OPHN1: variants seen among roughly 807,000 people sequenced by gnomAD.
OPHN1 encodes the protein oligophrenin-1.
In OPHN1, 11 loss-of-function variants were observed where a neutral mutation model predicts 60.7. The observed-to-expected ratio is 0.18, with a 90% CI of 0.11 to 0.30. OPHN1 has a LOEUF of 0.30. Ranked by LOEUF, OPHN1 falls within the 10% of genes least tolerant of loss-of-function variation. The pLI, the probability that OPHN1 is intolerant of heterozygous loss-of-function variation, is 1.00. For missense variants in OPHN1, 449 were observed against 611.0 expected (o/e 0.73, Z 2.80); for synonymous variants, 226 against 222.6 (o/e 1.02, Z -0.14).
chrX:68,387,200 T>TCTCTC (rs2078628812), intron 2 of OPHN1, among the ~76,000 whole-genome samples: 1 of 100,121 alleles, frequency 1.0e-5, no homozygotes, highest in South Asian at 5.0e-4. Flanking sequence ...TTCTTTCTGT[T>TCTCTC]TCTCTCTCTC....
intron 2 of OPHN1, among the ~76,000 whole-genome samples, chrX:68,367,738 T>C (rs774092658): frequency 2.7e-5 from 3 of 111,570 alleles, no homozygotes; most frequent in East Asian, 2.8e-4. Flanking sequence ...ATGGGGGCAG[T>C]TTCCCCCCTG....
intron 5 of OPHN1, among the ~76,000 whole-genome samples, chrX:68,242,189 C>A (rs1423099358): frequency 1.1e-5 from 1 of 91,923 alleles, no homozygotes; most frequent in Non-Finnish European, 2.1e-5. Flanking sequence ...AGTTTGAGAC[C>A]AGCATGGTGA....
At chrX:68,349,528 T>C (rs1038262692) in intron 2 of OPHN1, among the ~76,000 whole-genome samples, 7 of 111,726 alleles carry the variant, frequency 6.3e-5, no homozygotes, top group Admixed American at 1.9e-4. Flanking sequence ...GAACTAGAAA[T>C]ACCATTTGAC....
At chrX:68,183,747 C>A (rs1411228944) in intron 15 of OPHN1, among the ~76,000 whole-genome samples, 2 of 112,472 alleles carry the variant, frequency 1.8e-5, no homozygotes, top group Non-Finnish European at 3.8e-5. Context: ...TTGAGAATTA[C>A]TCATTTCCTG....
chrX:68,287,338 A>T (rs1276700109), intron 3 of OPHN1, among the ~76,000 whole-genome samples: 2 of 79,452 alleles, frequency 2.5e-5, no homozygotes, highest in African/African-American at 7.5e-5. Context: ...AAAAGAAATT[A>T]AAAAAAAAAA....
intron 2 of OPHN1, among the ~76,000 whole-genome samples, chrX:68,430,001 C>G (rs1465887549): frequency 9.2e-6 from 1 of 109,167 alleles, no homozygotes; most frequent in African/African-American, 3.3e-5. Context: ...TGCCACTGCA[C>G]TCTAGCCTGG....
intron 15 of OPHN1, among the ~76,000 whole-genome samples, chrX:68,132,609 T>G (rs2077200268): frequency 1.1e-5 from 1 of 91,782 alleles, no homozygotes. Context: ...AGATGACACG[T>G]TAGTGGGTGC....
At chrX:68,370,043 T>TATAG (rs1219099359) in intron 2 of OPHN1, among the ~76,000 whole-genome samples, 2 of 92,605 alleles carry the variant, frequency 2.2e-5, no homozygotes, top group Non-Finnish European at 4.1e-5. Flanking sequence ...TATATATATA[T>TATAG]AGAACCTGTC....
At chrX:68,102,413 G>C (rs1431438608) in intron 18 of OPHN1, among the ~76,000 whole-genome samples, 1 of 111,889 alleles carries the variant, frequency 8.9e-6, no homozygotes, top group African/African-American at 3.2e-5. Context: ...ATGTCCACAG[G>C]AGAAAGCGGG....
chrX:68,056,230 A>G (rs1249064531), intron 21 of OPHN1, among the ~76,000 whole-genome samples: 2 of 111,394 alleles, frequency 1.8e-5, no homozygotes, highest in African/African-American at 3.3e-5. Flanking sequence ...TTCTTGCCCT[A>G]TATGTGTCCC....
chrX:68,072,258 G>C (rs771248009), intron 20 of OPHN1, among the ~76,000 whole-genome samples: 4 of 111,917 alleles, frequency 3.6e-5, no homozygotes, highest in Non-Finnish European at 7.5e-5. Flanking sequence ...TGACAAAAGA[G>C]GCAAGATATC....
At chrX:68,394,925 C>T (rs925133455) in intron 2 of OPHN1, among the ~76,000 whole-genome samples, 3 of 110,527 alleles carry the variant, frequency 2.7e-5, no homozygotes, top group Admixed American at 9.7e-5. Context: ...GGATTACAGG[C>T]GTGAGCCACC....
intron 2 of OPHN1, among the ~76,000 whole-genome samples, chrX:68,402,802 G>C (rs1441690648): frequency 9.0e-6 from 1 of 111,718 alleles, no homozygotes; most frequent in Non-Finnish European, 1.9e-5. Context: ...GCCAAGACAG[G>C]TTCCACATAT....
intron 12 of OPHN1, among the ~76,000 whole-genome samples, chrX:68,194,864 A>G (rs2077503999): frequency 1.8e-5 from 2 of 109,111 alleles, no homozygotes; most frequent in South Asian, 8.1e-4. Flanking sequence ...GCTGTTTGGG[A>G]GGTTGAGTCA....
rs2078694694 is a variant in OPHN1 at position 68,398,004 on chromosome X, G to A, written c.154+34863C>T. 2.7e-5 allele frequency among the ~76,000 whole-genome samples: 3 copies of A among 111,424 alleles called. No homozygotes were observed. In the Admixed American group the frequency reaches 2.9e-4, roughly 11 times the overall value. ...TTGCTTGGGGTGTGGGGACTGCCAGGAGAGACTGAGAGCCAGCCCTGGGGC... is the reference window on the plus strand; with the variant it reads ...TTGCTTGGGGTGTGGGGACTGCCAGAAGAGACTGAGAGCCAGCCCTGGGGC... On this transcript the variant is annotated intron_variant, in intron 2 of 24. Transcript: ENST00000355520.
chrX:68,350,024 G>A (rs977970451), intron 2 of OPHN1, among the ~76,000 whole-genome samples: 2 of 111,196 alleles, frequency 1.8e-5, no homozygotes, highest in African/African-American at 3.3e-5. Flanking sequence ...AAAACTGCAC[G>A]TTCTGCACAT....
intron 15 of OPHN1, among the ~76,000 whole-genome samples, chrX:68,189,600 T>C (rs1473979159): frequency 9.3e-6 from 1 of 107,825 alleles, no homozygotes; most frequent in African/African-American, 3.4e-5. Context: ...GATAATCAGA[T>C]TGGCTTCTCT....
intron 2 of OPHN1, among the ~76,000 whole-genome samples, chrX:68,385,821 A>G (rs1382601290): frequency 8.9e-6 from 1 of 112,069 alleles, no homozygotes; most frequent in Non-Finnish European, 1.9e-5. Context: ...TCTGTTGTTC[A>G]CATTTGAAAT....
chrX:68,266,626 A>T (rs1019014454), intron 5 of OPHN1, among the ~76,000 whole-genome samples: 2 of 111,615 alleles, frequency 1.8e-5, no homozygotes, highest in Non-Finnish European at 3.8e-5. Flanking sequence ...TCAACTAACG[A>T]GCAAAATCAC....
Sources: gnomAD v4.1 joint callset for allele counts (sites outside exome capture counted in the v4.1 genomes callset) on GRCh38, gnomAD v4.1.1 for gene constraint, MANE v1.5 for transcripts, NCBI Gene and HGNC (gene_info 2026-07-23, HGNC 2026-07-21) for gene names.